Variants in DNAAF6 observed in about 807,000 individuals in gnomAD.
DNAAF6 encodes dynein axonemal assembly factor 6.
DNAAF6 carries 3 observed loss-of-function variants against 13.7 expected under a neutral mutation model. That is an observed-to-expected ratio of 0.22 (90% CI 0.10 to 0.56). DNAAF6 has a LOEUF of 0.56. Among genes scored for constraint, DNAAF6 ranks in the 20% least tolerant of loss-of-function variants. The pLI is 0.92. For synonymous variants in DNAAF6, 54 were observed against 49.2 expected, an observed-to-expected ratio of 1.10 and a Z score of -0.41; for missense variants, 130 against 151.0, an observed-to-expected ratio of 0.86 and a Z score of 0.73.
At chrX:107,216,575 T>A in intron 2 of DNAAF6, 96 bp from the exon 3 acceptor site, 1 of 558,882 alleles carries the variant, frequency 1.8e-6, no homozygotes, top group Non-Finnish European at 2.7e-6. Context: ...CTCCATGAGT[T>A]TTTTTATGGA....
At chrX:107,218,817 G>A (rs749119819) in intron 3 of DNAAF6, 47 bp from the exon 4 acceptor site, 3 of 1,135,393 alleles carry the variant, frequency 2.6e-6, no homozygotes, top group Admixed American at 2.9e-5. Flanking sequence ...GCAATTTAGA[G>A]AAGGAAAAAA....
At chrX:107,228,639 A>G (rs997364935) in intron 5 of DNAAF6, among the ~76,000 whole-genome samples, 1 of 110,172 alleles carries the variant, frequency 9.1e-6, no homozygotes, top group Non-Finnish European at 1.9e-5. Flanking sequence ...TTTTTGAGAT[A>G]AGGTCTTGCT....
intron 5 of DNAAF6, among the ~76,000 whole-genome samples, chrX:107,237,529 C>T (rs899762028): frequency 9.8e-5 from 11 of 112,399 alleles, no homozygotes; most frequent in African/African-American, 3.6e-4. Context: ...CCATTAGTGA[C>T]ATTTAGTATA....
chrX:107,212,648 A>G (rs1272617314), intron 1 of DNAAF6, among the ~76,000 whole-genome samples: 1 of 111,814 alleles, frequency 8.9e-6, no homozygotes, highest in African/African-American at 3.2e-5. Flanking sequence ...TAGCTTGAGT[A>G]TGACATTTTA....
chrX:107,223,226 C>T (rs979382117), intron 5 of DNAAF6, among the ~76,000 whole-genome samples: 1 of 111,585 alleles, frequency 9.0e-6, no homozygotes, highest in Non-Finnish European at 1.9e-5. Context: ...GAAGTATCTC[C>T]TTCCCCGCAT....
At chrX:107,233,512 C>A (rs926798742) in intron 5 of DNAAF6, among the ~76,000 whole-genome samples, 1 of 111,518 alleles carries the variant, frequency 9.0e-6, no homozygotes, top group Non-Finnish European at 1.9e-5. Context: ...CCTCTAGTAA[C>A]CACCATTCTT....
chrX:107,241,267 AT>A (rs935572786), intron 6 of DNAAF6, among the ~76,000 whole-genome samples: 3 of 111,516 alleles, frequency 2.7e-5, no homozygotes, highest in African/African-American at 9.7e-5. Flanking sequence ...CACTGTAGAG[AT>A]TTTTTTTGTA....
intron 5 of DNAAF6, among the ~76,000 whole-genome samples, chrX:107,233,532 T>C (rs1928457482): frequency 9.0e-6 from 1 of 111,672 alleles, no homozygotes; most frequent in Non-Finnish European, 1.9e-5. Context: ...TCTCTCTATT[T>C]CTATGTATTA....
chrX:107,229,501 C>T lies in DNAAF6; in HGVS notation c.429+6660C>T, dbSNP rs999201212. 2.7e-5 allele frequency among the ~76,000 whole-genome samples: 3 copies of T among 110,154 alleles called. No individual in the cohort carries two copies. In the Admixed American group the frequency reaches 2.9e-4, roughly 11 times the overall value. The stretch of plus-strand genomic sequence containing the variant: ...CACTGAGGAGTGAGGAAAGACTTCA[C>T]TCTTTTCTTCCGAAATCACTAGGCA... On this transcript the variant is annotated intron_variant, in intron 5 of 6. Coordinates refer to ENST00000372453, the MANE Select transcript of DNAAF6 (RefSeq NM_173494.2).
At chrX:107,224,964 G>A (rs892337311) in intron 5 of DNAAF6, among the ~76,000 whole-genome samples, 2 of 108,139 alleles carry the variant, frequency 1.8e-5, no homozygotes, top group Non-Finnish European at 3.8e-5. Context: ...GGTACATAGT[G>A]ACATAAAGCA....
intron 2 of DNAAF6, among the ~76,000 whole-genome samples, chrX:107,215,679 C>T (rs886329384): frequency 9.8e-5 from 11 of 111,745 alleles, no homozygotes; most frequent in South Asian, 3.8e-4. Context: ...AGAACAGACA[C>T]TACTCTCCTT....
chrX:107,221,820 A>G (rs2147830895), intron 4 of DNAAF6, among the ~76,000 whole-genome samples: 1 of 110,268 alleles, frequency 9.1e-6, no homozygotes, highest in East Asian at 2.8e-4. Context: ...ATTTTTGGGC[A>G]TTCCTATTGG....
intron 5 of DNAAF6, among the ~76,000 whole-genome samples, chrX:107,229,125 C>CTTTT (rs1569375032): frequency 1.7e-5 from 1 of 57,799 alleles, no homozygotes; most frequent in African/African-American, 1.3e-4. Context: ...CTGTTGACTA[C>CTTTT]TCTTTTTTTT....
rs1033529959 is a variant in DNAAF6, at chrX:107,218,774, A to G, written c.227-90A>G. 1.3e-4 allele frequency: 114 copies of G among 911,253 alleles called. 2 individuals are homozygous for G. The highest frequency in any genetic ancestry group is 1.1e-3 in the Middle Eastern group (4 of 3,655). 75.1% of individuals were successfully genotyped at this position (911,253 alleles called of 1,213,427 possible). ...CGATTACAAATAATGTTTTATTTCA[A>G]TGAACCCAAACTGAGTGTGAAGAAG... On this transcript the variant is annotated intron_variant, in intron 3 of 6. Transcript: ENST00000372453.
intron 4 of DNAAF6, among the ~76,000 whole-genome samples, chrX:107,220,780 C>T (rs989046476): frequency 6.3e-5 from 7 of 110,852 alleles, no homozygotes; most frequent in African/African-American, 2.3e-4. Flanking sequence ...GAGAGGAGAG[C>T]GTCAAAGATG....
intron 1 of DNAAF6, among the ~76,000 whole-genome samples, chrX:107,209,128 G>T (rs1021298959): frequency 3.3e-4 from 37 of 111,244 alleles, no homozygotes; most frequent in African/African-American, 1.1e-3. Flanking sequence ...ATGCAAAGCA[G>T]AAAGCAATTA....
At chrX:107,209,713 C>G (rs754449943) in intron 1 of DNAAF6, among the ~76,000 whole-genome samples, 9 of 112,377 alleles carry the variant, frequency 8.0e-5, no homozygotes, top group Non-Finnish European at 1.5e-4. Flanking sequence ...GGATTACAGA[C>G]GTGAACCACT....
At chrX:107,208,288 G>A (rs1927762267) in intron 1 of DNAAF6, among the ~76,000 whole-genome samples, 1 of 109,225 alleles carries the variant, frequency 9.2e-6, no homozygotes. Flanking sequence ...ACAAAAATTA[G>A]CCAGGTGCAG....
intron 5 of DNAAF6, among the ~76,000 whole-genome samples, chrX:107,231,447 G>T (rs770447238): frequency 8.9e-6 from 1 of 112,022 alleles, no homozygotes; most frequent in Non-Finnish European, 1.9e-5. Flanking sequence ...TGGGGTATGT[G>T]TTAAGGATCT....
Sources: gnomAD v4.1 joint callset for allele counts (sites outside exome capture counted in the v4.1 genomes callset) on GRCh38, gnomAD v4.1.1 for gene constraint, MANE v1.5 for transcripts, NCBI Gene and HGNC (gene_info 2026-07-23, HGNC 2026-07-21) for gene names.